Variants in TTC22 observed in about 807,000 individuals in gnomAD.
TTC22 encodes the protein tetratricopeptide repeat domain 22.
A neutral mutation model predicts 48.2 loss-of-function variants in TTC22; 42 were observed. The observed-to-expected ratio is 0.87, with a 90% CI of 0.68 to 1.13. The LOEUF is 1.13. Among genes scored for constraint, TTC22 ranks in the 50% most tolerant of loss-of-function variants. The probability of loss-of-function intolerance (pLI) is 0.00; values close to 1 mark genes in which losing one functional copy is unlikely to be tolerated. For missense variants in TTC22, 784 were observed against 807.0 expected, an observed-to-expected ratio of 0.97 and a Z score of 0.34; for synonymous variants, 345 against 365.5, an observed-to-expected ratio of 0.94 and a Z score of 0.64.
chr1:54,787,679 G>T, intron 3 of TTC22, 32 bp downstream of exon 3: 1 of 1,538,586 alleles, frequency 6.5e-7, no homozygotes, highest in Non-Finnish European at 8.9e-7. Flanking sequence ...GGGGGCAGAG[G>T]CTGCTGTCCC....
At chr1:54,797,730 T>C (rs1469727391) in intron 1 of TTC22, among the ~76,000 whole-genome samples, 1 of 152,266 alleles carries the variant, frequency 6.6e-6, no homozygotes, top group Non-Finnish European at 1.5e-5. Context: ...ATGTTTGGAT[T>C]ACGGGCTGAA....
Position 54,781,773 on chromosome 1 carries a change from A to G in TTC22, c.1180T>C (p.Tyr394His), listed in dbSNP as rs747701876. The change falls in exon 7 of 7, where the codon TAC becomes CAC. Residue 394 changes from tyrosine to histidine, a missense_variant. Tyr to His is a moderately conservative substitution (Grantham distance 83). Transcript: ENST00000371276. The stretch of plus-strand genomic sequence containing the variant: ...TGCACCGCGTCCACGCCCATATAGT[A>G]GTAGACCTGGGGTCGGGGACGCGGG... ...KAYLDIGQVY[Y>H]YMGVDAVQEL... 3.5e-6 allele frequency: 5 copies of G among 1,437,420 alleles called. No individual in the cohort carries two copies. The highest frequency in any genetic ancestry group is 4.6e-6 in the Non-Finnish European group (5 of 1,097,270). The allele number at this position is 1,437,420 out of a possible 1,614,324, so 89.0% of individuals were successfully genotyped here.
At chr1:54,791,461 T>C (rs183824119) in intron 1 of TTC22, among the ~76,000 whole-genome samples, 26 of 152,282 alleles carry the variant, frequency 1.7e-4, no homozygotes, top group African/African-American at 6.3e-4. Flanking sequence ...TCTCAGGAGT[T>C]GTGAGGGCAG....
chr1:54,784,871 G>A (rs757915562), intron 5 of TTC22: 35 of 1,220,366 alleles, frequency 2.9e-5, no homozygotes, highest in Middle Eastern at 2.2e-4. Context: ...GGACCAGTGC[G>A]GGAAGCTAGC....
intron 3 of TTC22, chr1:54,787,307 A>C (rs678164): frequency 1 from 538,609 of 538,996 alleles, 269,112 homozygotes; most frequent in East Asian, 1. Flanking sequence ...CGGGGGACCT[A>C]ATTTCAGGTA....
At chr1:54,785,519 A>C in intron 5 of TTC22, 1 of 450,606 alleles carries the variant, frequency 2.2e-6, no homozygotes, top group Non-Finnish European at 4.4e-6. Flanking sequence ...TTTCACTCAA[A>C]AACCTTACAG....
rs1646394655 is a variant in TTC22 at position 54,796,697 on chromosome 1, T to A, written c.567+3900A>T. On this transcript the variant is annotated intron_variant, in intron 1 of 6. Coordinates refer to ENST00000371276, the MANE Select transcript of TTC22 (RefSeq NM_001114108.2). ...TGAGTTGGCTTGGGACAGGGATTTT[T>A]TTTTAATCTTAGACAATAAATAGGG... Among the ~76,000 whole-genome samples the A allele has an allele frequency of 2.6e-5, 4 of 152,242 alleles. No individual in the cohort carries two copies. The South Asian group carries it at 8.3e-4, about 32-fold the overall frequency.
rs1246850083 is a variant in TTC22 at position 54,780,668 on chromosome 1, G to C, written c.*575C>G. The stretch of plus-strand genomic sequence containing the variant: ...GGAGGCCTACTAGAAAAGTAGCAGA[G>C]AGGCAGGAATGAGCCCTGAGCACGA... On this transcript the variant is annotated 3_prime_UTR_variant, in exon 7 of 7. Coordinates refer to ENST00000371276, the MANE Select transcript of TTC22 (RefSeq NM_001114108.2). 6.6e-6 allele frequency: 1 copy of C among 152,332 alleles called. No individual in the cohort carries two copies. Among genetic ancestry groups the C allele is most frequent in the Non-Finnish European group, 1.5e-5 (1 of 68,114 alleles). 9.4% of individuals were successfully genotyped at this position (152,332 alleles called of 1,614,324 possible). A position where few individuals can be genotyped will look rare whatever the true frequency, so the allele number is the denominator to read the frequency against.
chr1:54,787,557 G>T lies in TTC22; in HGVS notation c.739+154C>A, dbSNP rs1038147405. The T allele has an allele frequency of 6.2e-6, 4 of 646,316 alleles. No homozygotes were observed. In the Admixed American group the frequency reaches 9.3e-5, roughly 15 times the overall value. 40.0% of individuals were successfully genotyped at this position (646,316 alleles called of 1,614,324 possible). On this transcript the variant is annotated intron_variant, in intron 3 of 6. Coordinates refer to ENST00000371276, the MANE Select transcript of TTC22 (RefSeq NM_001114108.2). ...ATGTTCACTTGGGCAAGGTATGTGG[G>T]CTCCTTGAGGTGCACAGATGAGTGT...
rs560886548 is a variant in TTC22, at chr1:54,786,158, G to A, written c.859-14C>T. On this transcript the variant is annotated splice_polypyrimidine_tract_variant and intron_variant, in intron 4 of 6. Coordinates refer to ENST00000371276, the MANE Select transcript of TTC22 (RefSeq NM_001114108.2). ...AATCTCAATGGCCTAGGTAAGGGAG[G>A]AGTGCAAAAACAAACCACTTGCTTG... is the stretch of plus-strand genomic sequence containing the variant. The A allele has an allele frequency of 1.2e-5, 20 of 1,612,824 alleles. No individual in the cohort carries two copies. The East Asian group carries it at 2.5e-4, about 20-fold the overall frequency.
In TTC22 at chr1:54,781,587, T is replaced by A. The variant is rs773965571; in HGVS notation, c.1366A>T (p.Lys456Ter). 35 of 1,524,024 alleles carry A rather than the reference T, an allele frequency of 2.3e-5. No individual in the cohort carries two copies. Among genetic ancestry groups the A allele is most frequent in the Non-Finnish European group, 3.1e-5 (35 of 1,141,946 alleles). The allele number at this position is 1,524,024 out of a possible 1,614,324, so 94.4% of individuals were successfully genotyped here. The change falls in exon 7 of 7, where the codon AAG (lysine) becomes TAG (stop). Residue 456 changes from lysine to a stop codon, truncating the protein, a stop_gained. Coordinates refer to ENST00000371276, the MANE Select transcript of TTC22 (RefSeq NM_001114108.2). LOFTEE classifies it high-confidence loss of function. Reference sequence around the variant, plus strand: ...GCGTCGTCCAGCTCCACTGCGCGCTTGAAGCAGGCGGCCGCGTTGGCGTCC... The same window carrying A: ...GCGTCGTCCAGCTCCACTGCGCGCTAGAAGCAGGCGGCCGCGTTGGCGTCC... The part of the protein sequence containing the change: ...GEDANAAACF[K>*]RAVELDDAGS...
At chr1:54,790,448 C>T (rs1004518120) in intron 1 of TTC22, among the ~76,000 whole-genome samples, 2 of 152,194 alleles carry the variant, frequency 1.3e-5, no homozygotes, top group Non-Finnish European at 2.9e-5. Flanking sequence ...ACATTTGTAT[C>T]ACCTTGAAAG....
chr1:54,791,727 G>C (rs945604602), intron 1 of TTC22, among the ~76,000 whole-genome samples: 3 of 152,148 alleles, frequency 2.0e-5, no homozygotes, highest in Admixed American at 6.5e-5. Flanking sequence ...CAGGTCCCCA[G>C]TGTTGGAGAC....
At position 54,781,374 on chromosome 1, in the gene TTC22, C is replaced by T; in HGVS notation, c.1579G>A (p.Glu527Lys). Residue 527 changes from glutamate (E) to lysine (K), a missense_variant, in exon 7 of 7, where the codon GAG becomes AAG. Coordinates refer to ENST00000371276, the MANE Select transcript of TTC22 (RefSeq NM_001114108.2). ...AGGGCCCGGGCCAGCCCCAACACCT[C>T]GTCCGTGTGCCCGCGCCACACGCGC... ...LQRVWRGHTD[E>K]VLGLARALVA... is the part of the protein sequence containing the mutation. 7.2e-7 allele frequency: 1 copy of T among 1,388,678 alleles called. No homozygotes were observed. The highest frequency in any genetic ancestry group is 9.2e-7 in the Non-Finnish European group (1 of 1,082,614). 86.0% of individuals were successfully genotyped at this position (1,388,678 alleles called of 1,614,324 possible). A position where few individuals can be genotyped will look rare whatever the true frequency, so the allele number is the denominator to read the frequency against.
intron 1 of TTC22, among the ~76,000 whole-genome samples, chr1:54,796,387 C>G (rs1195338969): frequency 6.6e-6 from 1 of 152,266 alleles, no homozygotes; most frequent in Admixed American, 6.5e-5. Flanking sequence ...GTATGGACAG[C>G]CCCGTGTGCA....
chr1:54,796,996 C>T (rs889375812), intron 1 of TTC22, among the ~76,000 whole-genome samples: 2 of 152,102 alleles, frequency 1.3e-5, no homozygotes, highest in Admixed American at 1.3e-4. Context: ...CCAGGGCAGG[C>T]AGGGAGAAGC....
intron 5 of TTC22, among the ~76,000 whole-genome samples, chr1:54,783,241 C>G (rs528471638): frequency 2.6e-5 from 4 of 152,278 alleles, no homozygotes; most frequent in African/African-American, 9.6e-5. Context: ...ATCATGGAGG[C>G]AGGGGGAGAT....
chr1:54,787,105 AG>A, intron 3 of TTC22, 30 bp from the exon 4 acceptor site: 1 of 1,254,426 alleles, frequency 8.0e-7, no homozygotes, highest in Non-Finnish European at 1.1e-6. Context: ...GAGGGTCTCT[AG>A]GAAGCAGCAG....
chr1:54,800,594 T>C lies in TTC22; in HGVS notation c.567+3A>G. On this transcript the variant is annotated splice_donor_region_variant and intron_variant, in intron 1 of 6. Coordinates refer to ENST00000371276, the MANE Select transcript of TTC22 (RefSeq NM_001114108.2). ...GGGAGGTAGGGAGACAGGGGTCACC[T>C]ACCTGCTGCCCGTAGCCTAGCGCCT... 1 of 1,505,576 alleles carries C rather than the reference T, an allele frequency of 6.6e-7. No homozygotes were observed. The highest frequency in any genetic ancestry group is 8.8e-7 in the Non-Finnish European group (1 of 1,140,372). 93.3% of individuals were successfully genotyped at this position (1,505,576 alleles called of 1,614,324 possible). A position where few individuals can be genotyped will look rare whatever the true frequency, so the allele number is the denominator to read the frequency against.
Sources: allele counts gnomAD v4.1 joint callset (sites outside exome capture counted in the v4.1 genomes callset), GRCh38; gene constraint gnomAD v4.1.1; transcripts MANE v1.5; gene names NCBI Gene and HGNC (gene_info 2026-07-23, HGNC 2026-07-21).